Variants in SGCZ observed in about 807,000 individuals in gnomAD.
SGCZ encodes the protein sarcoglycan zeta.
A neutral mutation model predicts 41.3 loss-of-function variants in SGCZ; 40 were observed. That is an observed-to-expected ratio of 0.97 (90% CI 0.75 to 1.26). The LOEUF is 1.26. SGCZ is among the 50% of genes most tolerant of loss of function. The pLI is 0.00. For missense variants in SGCZ, 552 were observed against 369.8 expected, an observed-to-expected ratio of 1.49 and a Z score of -4.04; for synonymous variants, 206 against 137.5, an observed-to-expected ratio of 1.50 and a Z score of -3.49.
intron 1 of SGCZ, among the ~76,000 whole-genome samples, chr8:15,202,569 G>C (rs1800922713): frequency 6.6e-6 from 1 of 152,026 alleles, no homozygotes; most frequent in African/African-American, 2.4e-5. Flanking sequence ...TGGATGAGAG[G>C]TGCACCAAAA....
At position 14,551,546 on chromosome 8, in the gene SGCZ, TATATAATATATATTA is replaced by T. The variant is rs1803846827; in HGVS notation, c.234+3171_234+3185del. ...TATAATATATATAATATATATAATA[TATATAATATATATTA>T]TATATATAATATATATATAATATAT... On this transcript the variant is annotated intron_variant, in intron 2 of 7. Transcript: ENST00000382080. Among the ~76,000 whole-genome samples the T allele has an allele frequency of 1.1e-3, 10 of 9,252 alleles. 1 individual carries two copies. The highest frequency in any genetic ancestry group is 2.3e-3 in the African/African-American group (5 of 2,176). The allele number at this position is 9,252 out of a possible 152,430, so 6.1% of individuals were successfully genotyped here.
At chr8:14,963,167 T>C (rs2130853932) in intron 1 of SGCZ, among the ~76,000 whole-genome samples, 1 of 152,186 alleles carries the variant, frequency 6.6e-6, no homozygotes, top group South Asian at 2.1e-4. Context: ...AAATAGGAAA[T>C]TAAGCAGGTA....
At chr8:14,515,869 GATGA>G (rs1277550995) in intron 2 of SGCZ, among the ~76,000 whole-genome samples, 1 of 152,064 alleles carries the variant, frequency 6.6e-6, no homozygotes. Context: ...TTATTTTAAA[GATGA>G]ATGATTTTGA....
At chr8:15,136,412 C>A (rs941424495) in intron 1 of SGCZ, among the ~76,000 whole-genome samples, 1 of 151,646 alleles carries the variant, frequency 6.6e-6, no homozygotes, top group Non-Finnish European at 1.5e-5. Flanking sequence ...CATGAGCTTA[C>A]AGATGACTTA....
chr8:14,250,041 C>T (rs1799233232), intron 3 of SGCZ, among the ~76,000 whole-genome samples: 1 of 152,168 alleles, frequency 6.6e-6, no homozygotes, highest in Non-Finnish European at 1.5e-5. Context: ...GAAGATATTT[C>T]TAAATGAAGA....
chr8:14,599,832 T>A (rs1423589613), intron 1 of SGCZ, among the ~76,000 whole-genome samples: 3 of 152,122 alleles, frequency 2.0e-5, no homozygotes, highest in Non-Finnish European at 4.4e-5. Context: ...ACATGCAATA[T>A]ATTTTTCCAT....
Position 14,925,361 on chromosome 8 carries a change from G to T in SGCZ, c.39+312224C>A, listed in dbSNP as rs183827621. Among the ~76,000 whole-genome samples the T allele has an allele frequency of 1.0e-3, 154 of 152,078 alleles. No homozygotes were observed. In the Middle Eastern group the frequency reaches 0.017, roughly 17 times the overall value. Reference sequence around the variant, plus strand: ...TAATTTCTTAATATTTTATTGCATTGTACTCACAGCATGGGAATCCCGGAA... The same window carrying T: ...TAATTTCTTAATATTTTATTGCATTTTACTCACAGCATGGGAATCCCGGAA... On this transcript the variant is annotated intron_variant, in intron 1 of 7. Transcript: ENST00000382080.
chr8:15,065,602 A>C (rs1805107940), intron 1 of SGCZ, among the ~76,000 whole-genome samples: 1 of 151,772 alleles, frequency 6.6e-6, no homozygotes, highest in South Asian at 2.1e-4. Flanking sequence ...GCACCCAGCT[A>C]ACGTTTTTGT....
At chr8:14,330,587 A>AT (rs1305510065) in intron 2 of SGCZ, among the ~76,000 whole-genome samples, 1 of 151,980 alleles carries the variant, frequency 6.6e-6, no homozygotes, top group Non-Finnish European at 1.5e-5. Flanking sequence ...GACTGTTTAA[A>AT]TTTTAAATTT....
intron 1 of SGCZ, among the ~76,000 whole-genome samples, chr8:15,039,981 A>G (rs978344860): frequency 6.6e-6 from 1 of 152,220 alleles, no homozygotes; most frequent in African/African-American, 2.4e-5. Context: ...TCATATATTT[A>G]ACACATTTAA....
At chr8:14,546,020 G>A (rs535073998) in intron 2 of SGCZ, among the ~76,000 whole-genome samples, 2 of 152,168 alleles carry the variant, frequency 1.3e-5, no homozygotes, top group African/African-American at 4.8e-5. Context: ...GAAATATACT[G>A]CCAGCTAAGA....
At chr8:14,403,844 G>T (rs1254460239) in intron 2 of SGCZ, among the ~76,000 whole-genome samples, 1 of 151,630 alleles carries the variant, frequency 6.6e-6, no homozygotes, top group Non-Finnish European at 1.5e-5. Context: ...CTCTGTTAAG[G>T]CTGTTAACTA....
intron 1 of SGCZ, among the ~76,000 whole-genome samples, chr8:14,743,893 G>C (rs939619586): frequency 2.6e-5 from 4 of 152,068 alleles, no homozygotes; most frequent in Non-Finnish European, 5.9e-5. Flanking sequence ...ATTAAATCCC[G>C]TGGAGAATTC....
intron 1 of SGCZ, among the ~76,000 whole-genome samples, chr8:14,839,927 A>C (rs1383520787): frequency 2.0e-5 from 3 of 152,162 alleles, no homozygotes; most frequent in Non-Finnish European, 2.9e-5. Flanking sequence ...TTCTATATTT[A>C]TATTGCAAGA....
At chr8:14,921,979 T>C (rs2130792452) in intron 1 of SGCZ, among the ~76,000 whole-genome samples, 1 of 152,270 alleles carries the variant, frequency 6.6e-6, no homozygotes, top group East Asian at 1.9e-4. Context: ...GCAATATTTC[T>C]GGTGGTTTAA....
At chr8:14,414,768 C>G (rs1046679447) in intron 2 of SGCZ, among the ~76,000 whole-genome samples, 2 of 151,696 alleles carry the variant, frequency 1.3e-5, no homozygotes, top group African/African-American at 2.4e-5. Flanking sequence ...CTAATTAGGA[C>G]ATGAAGAGAC....
At chr8:14,644,701 C>A (rs1016891688) in intron 1 of SGCZ, among the ~76,000 whole-genome samples, 2 of 151,438 alleles carry the variant, frequency 1.3e-5, no homozygotes, top group Non-Finnish European at 3.0e-5. Flanking sequence ...AGAGACCAGC[C>A]AAAAATTAAT....
At chr8:14,379,716 T>C (rs1804287890) in intron 2 of SGCZ, among the ~76,000 whole-genome samples, 1 of 151,910 alleles carries the variant, frequency 6.6e-6, no homozygotes, top group Admixed American at 6.6e-5. Flanking sequence ...CCCTACAATA[T>C]ATTGAAATTA....
chr8:14,777,664 T>C (rs1800450779), intron 1 of SGCZ, among the ~76,000 whole-genome samples: 2 of 152,156 alleles, frequency 1.3e-5, no homozygotes, highest in Admixed American at 1.3e-4. Context: ...TTGAAGTATT[T>C]AGAGGACATG....
Sources: gnomAD v4.1 joint callset for allele counts (sites outside exome capture counted in the v4.1 genomes callset) on GRCh38, gnomAD v4.1.1 for gene constraint, MANE v1.5 for transcripts, NCBI Gene and HGNC (gene_info 2026-07-23, HGNC 2026-07-21) for gene names.